PRIM2: variants seen among roughly 807,000 people sequenced by gnomAD.
The protein encoded by PRIM2 is DNA primase subunit 2.
PRIM2 carries 39 observed loss-of-function variants against 67.3 expected under a neutral mutation model. The observed-to-expected ratio is 0.58, with a 90% CI of 0.45 to 0.76. The LOEUF is 0.76. Ranked by LOEUF, PRIM2 falls within the 30% of genes least tolerant of loss-of-function variation. PRIM2 has a pLI of 0.00. For synonymous variants in PRIM2, 143 were observed against 198.7 expected (o/e 0.72, Z 2.36); for missense variants, 398 against 598.7 (o/e 0.66, Z 3.50).
At chr6:57,447,818 C>T (rs1769074128) in intron 7 of PRIM2, among the ~76,000 whole-genome samples, 1 of 152,152 alleles carries the variant, frequency 6.6e-6, no homozygotes, top group Admixed American at 6.5e-5. Context: ...AAATCTTCTA[C>T]TTTCTCATCA....
the PRIM2 span, among the ~76,000 whole-genome samples, chr6:57,239,133 G>A: frequency 1.3e-5 from 2 of 152,030 alleles, no homozygotes; most frequent in Admixed American, 1.3e-4. Flanking sequence ...TGGGACTACA[G>A]GCGTGCACCA....
chr6:57,283,463 T>A, the PRIM2 span, among the ~76,000 whole-genome samples: 1 of 152,150 alleles, frequency 6.6e-6, no homozygotes, highest in Non-Finnish European at 1.5e-5. Flanking sequence ...ACTCCCTGAT[T>A]TCAAAGAGGC....
chr6:57,272,528 A>G, the PRIM2 span, among the ~76,000 whole-genome samples: 3 of 152,256 alleles, frequency 2.0e-5, no homozygotes, highest in South Asian at 6.2e-4. Flanking sequence ...GTCTCTACAC[A>G]TGAGATGGGT....
chr6:57,325,146 A>G (rs575919280), intron 4 of PRIM2, among the ~76,000 whole-genome samples: 3 of 152,332 alleles, frequency 2.0e-5, no homozygotes, highest in East Asian at 1.9e-4. Flanking sequence ...GAAATTATCA[A>G]TTATAAAGCC....
chr6:57,493,635 T>C (rs1263150870), intron 7 of PRIM2, among the ~76,000 whole-genome samples: 3 of 152,214 alleles, frequency 2.0e-5, no homozygotes, highest in Non-Finnish European at 4.4e-5. Flanking sequence ...CAAAACATTT[T>C]ACTAAAGAAA....
At chr6:57,535,677 C>T (rs1426380295) in intron 9 of PRIM2, among the ~76,000 whole-genome samples, 13 of 152,112 alleles carry the variant, frequency 8.5e-5, no homozygotes, top group East Asian at 1.9e-4. Flanking sequence ...CCAGCGTGGC[C>T]AACATGGTGA....
intron 7 of PRIM2, among the ~76,000 whole-genome samples, chr6:57,394,681 A>G (rs988393573): frequency 2.0e-5 from 3 of 152,162 alleles, no homozygotes; most frequent in African/African-American, 7.2e-5. Flanking sequence ...TGCTCCGGCT[A>G]GGACTTCCAG....
At position 57,452,998 on chromosome 6, in the gene PRIM2, A is replaced by G. The variant is rs1254773796; in HGVS notation, c.694-54389A>G. Among the ~76,000 whole-genome samples, 8 of 152,286 alleles carry G rather than the reference A, an allele frequency of 5.3e-5. No homozygotes were observed. The East Asian group carries it at 7.7e-4, about 15-fold the overall frequency. On this transcript the variant is annotated intron_variant, in intron 7 of 13. Transcript: ENST00000615550. Reference sequence around the variant, plus strand: ...GGAAGGGATCCAGTTTCAGCTTTCTACATATGGCTAGCCAGTTTTCCCAGC... The same window carrying G: ...GGAAGGGATCCAGTTTCAGCTTTCTGCATATGGCTAGCCAGTTTTCCCAGC...
intron 10 of PRIM2, among the ~76,000 whole-genome samples, chr6:57,580,556 A>T (rs1208870619): frequency 6.6e-6 from 1 of 152,208 alleles, no homozygotes; most frequent in Non-Finnish European, 1.5e-5. Flanking sequence ...ATATAATCTA[A>T]TAAACTGGGG....
chr6:57,423,961 G>T (rs1051460249), intron 7 of PRIM2, among the ~76,000 whole-genome samples: 3 of 152,194 alleles, frequency 2.0e-5, no homozygotes, highest in Non-Finnish European at 4.4e-5. Context: ...ATACCTGTGA[G>T]CACATGTACC....
chr6:57,379,425 T>C (rs1354703258), intron 5 of PRIM2, among the ~76,000 whole-genome samples: 1 of 151,476 alleles, frequency 6.6e-6, no homozygotes, highest in African/African-American at 2.4e-5. Context: ...TCTGAGATAA[T>C]AAATTTATAG....
chr6:57,355,790 C>T (rs1307744511), intron 5 of PRIM2, among the ~76,000 whole-genome samples: 1 of 152,078 alleles, frequency 6.6e-6, no homozygotes, highest in Non-Finnish European at 1.5e-5. Flanking sequence ...GCATGTGTCA[C>T]CACGTGTGGC....
the PRIM2 span, among the ~76,000 whole-genome samples, chr6:57,271,185 C>A: frequency 5.9e-5 from 9 of 152,086 alleles, no homozygotes; most frequent in Non-Finnish European, 1.3e-4. Flanking sequence ...ATTCATTGGA[C>A]TAGTTTCAGA....
At chr6:57,587,772 C>T (rs1429754100) in intron 10 of PRIM2, among the ~76,000 whole-genome samples, 2 of 150,522 alleles carry the variant, frequency 1.3e-5, no homozygotes, top group African/African-American at 2.4e-5. Context: ...GGATTAGGCA[C>T]CAAGGGAAAT....
intron 5 of PRIM2, among the ~76,000 whole-genome samples, chr6:57,331,776 A>G (rs1234078925): frequency 6.6e-6 from 1 of 151,728 alleles, no homozygotes; most frequent in Non-Finnish European, 1.5e-5. Context: ...GATTTTAACA[A>G]TTAGAGTCTT....
intron 5 of PRIM2, among the ~76,000 whole-genome samples, chr6:57,350,710 C>T (rs1221711659): frequency 3.3e-5 from 5 of 152,048 alleles, no homozygotes; most frequent in Non-Finnish European, 5.9e-5. Flanking sequence ...ACTTCAGTGC[C>T]GCGTGGTTCT....
chr6:57,319,255 C>T (rs371384736), intron 2 of PRIM2, among the ~76,000 whole-genome samples: 1 of 152,202 alleles, frequency 6.6e-6, no homozygotes, highest in South Asian at 2.1e-4. Context: ...AGGATGTGGC[C>T]ACCGTCCTGG....
chr6:57,425,770 G>A (rs1272453085), intron 7 of PRIM2, among the ~76,000 whole-genome samples: 1 of 152,152 alleles, frequency 6.6e-6, no homozygotes, highest in East Asian at 1.9e-4. Flanking sequence ...GAGGGACAGA[G>A]GGTGGTGGAG....
intron 10 of PRIM2, among the ~76,000 whole-genome samples, chr6:57,598,543 G>T (rs1159812662): frequency 9.2e-5 from 14 of 152,122 alleles, no homozygotes; most frequent in African/African-American, 1.4e-4. Flanking sequence ...GACCAATGGG[G>T]TGTGGGTTGT....
Sources: gnomAD v4.1 joint callset for allele counts (sites outside exome capture counted in the v4.1 genomes callset) on GRCh38, gnomAD v4.1.1 for gene constraint, MANE v1.5 for transcripts, NCBI Gene and HGNC (gene_info 2026-07-23, HGNC 2026-07-21) for gene names.